Variants in EYS observed in about 807,000 individuals in gnomAD.
EYS encodes the protein protein eyes shut homolog.
Under a neutral mutation model 282.1 loss-of-function variants are expected in EYS, and 250 were observed. That is an observed-to-expected ratio of 0.89 (90% CI 0.80 to 0.98). The LOEUF (loss-of-function observed/expected upper bound fraction) is 0.98, where lower values mean the gene tolerates loss of function less well. Ranked by LOEUF, EYS falls within the 50% of genes least tolerant of loss-of-function variation. The pLI is 0.00. For synonymous variants in EYS, 1,355 were observed against 1,282.9 expected, an observed-to-expected ratio of 1.06 and a Z score of -1.20; for missense variants, 4,016 against 3,709.0, an observed-to-expected ratio of 1.08 and a Z score of -2.15.
chr6:65,338,352 C>A (rs1391678445), intron 10 of EYS, among the ~76,000 whole-genome samples: 1 of 149,860 alleles, frequency 6.7e-6, no homozygotes, highest in Non-Finnish European at 1.5e-5. Flanking sequence ...AAACTTGAAT[C>A]TGCCTTGTAA....
intron 26 of EYS, among the ~76,000 whole-genome samples, chr6:64,524,174 TAC>T (rs1422199833): frequency 6.6e-6 from 1 of 151,754 alleles, no homozygotes; most frequent in Non-Finnish European, 1.5e-5. Context: ...TTTGTCCATA[TAC>T]ACACAGAACA....
chr6:64,286,976 C>A (rs1159916926), intron 30 of EYS, among the ~76,000 whole-genome samples: 2 of 152,014 alleles, frequency 1.3e-5, no homozygotes, highest in Non-Finnish European at 2.9e-5. Context: ...TTGAAGTTTT[C>A]AGTACCGAAT....
chr6:64,390,864 T>A (rs1428916599), intron 28 of EYS, among the ~76,000 whole-genome samples: 1 of 141,478 alleles, frequency 7.1e-6, no homozygotes, highest in Non-Finnish European at 1.5e-5. Flanking sequence ...GCAAAGAAGT[T>A]GAAAACTTTG....
chr6:64,112,356 G>A (rs926525699), intron 31 of EYS, among the ~76,000 whole-genome samples: 1 of 151,920 alleles, frequency 6.6e-6, no homozygotes, highest in Admixed American at 6.6e-5. Context: ...CCAAAGCAGC[G>A]ACTGGGTGGT....
At chr6:65,234,180 C>T (rs951219763) in intron 12 of EYS, among the ~76,000 whole-genome samples, 3 of 152,198 alleles carry the variant, frequency 2.0e-5, no homozygotes, top group African/African-American at 7.2e-5. Context: ...ATCTGCAGAG[C>T]TCTTTGTCAT....
chr6:65,295,818 A>C, intron 12 of EYS, 45 bp downstream of exon 12: 1 of 1,410,626 alleles, frequency 7.1e-7, no homozygotes, highest in Non-Finnish European at 9.6e-7. Flanking sequence ...TATTAACAAC[A>C]TTATTTACTA....
intron 41 of EYS, among the ~76,000 whole-genome samples, chr6:63,756,725 A>C (rs770508312): frequency 2.6e-5 from 4 of 152,114 alleles, no homozygotes; most frequent in Non-Finnish European, 5.9e-5. Context: ...TAAATTGTGA[A>C]GATTTCATTT....
At chr6:65,129,549 A>G (rs1202265244) in intron 12 of EYS, among the ~76,000 whole-genome samples, 1 of 152,020 alleles carries the variant, frequency 6.6e-6, no homozygotes. Flanking sequence ...GTAGCCAACA[A>G]ACATAAAAAA....
At chr6:63,722,958 T>C (rs953865892) in intron 42 of EYS, among the ~76,000 whole-genome samples, 3 of 152,246 alleles carry the variant, frequency 2.0e-5, no homozygotes, top group Non-Finnish European at 4.4e-5. Flanking sequence ...ACAGCTGCTT[T>C]ATCCACTAGG....
intron 35 of EYS, among the ~76,000 whole-genome samples, chr6:63,972,415 A>T (rs1320005702): frequency 6.6e-6 from 1 of 152,236 alleles, no homozygotes; most frequent in Admixed American, 6.5e-5. Context: ...AGGGCAAAAC[A>T]CATACCTCTT....
chr6:64,532,721 A>T (rs1562045359), intron 26 of EYS, among the ~76,000 whole-genome samples: 3 of 152,130 alleles, frequency 2.0e-5, no homozygotes, highest in Admixed American at 1.3e-4. Context: ...AAATAAATAA[A>T]TAAATTAAAT....
intron 31 of EYS, among the ~76,000 whole-genome samples, chr6:64,220,036 TGAGGGG>T (rs1292153546): frequency 1.3e-5 from 2 of 151,098 alleles, no homozygotes; most frequent in East Asian, 1.9e-4. Context: ...TATTGTGGGG[TGAGGGG>T]GAGGGAGAGG....
At chr6:65,365,795 C>T (rs1764894607) in intron 8 of EYS, among the ~76,000 whole-genome samples, 1 of 151,776 alleles carries the variant, frequency 6.6e-6, no homozygotes, top group South Asian at 2.1e-4. Context: ...TTACTTAGTC[C>T]ATGGGCCTCT....
At chr6:64,102,256 GTAAAATACA>G (rs1772856010) in intron 31 of EYS, among the ~76,000 whole-genome samples, 1 of 152,042 alleles carries the variant, frequency 6.6e-6, no homozygotes, top group African/African-American at 2.4e-5. Context: ...CAAAGTGTGG[GTAAAATACA>G]TAGAAAATTG....
intron 35 of EYS, among the ~76,000 whole-genome samples, chr6:63,962,999 T>C (rs1766143589): frequency 6.6e-6 from 1 of 151,840 alleles, no homozygotes; most frequent in Non-Finnish European, 1.5e-5. Flanking sequence ...CTCAGCAAAC[T>C]ATTGCAAGTG....
chr6:65,658,837 T>C (rs1767910157), intron 1 of EYS, among the ~76,000 whole-genome samples: 1 of 151,812 alleles, frequency 6.6e-6, no homozygotes, highest in African/African-American at 2.4e-5. Context: ...TGTTTACAGA[T>C]ATTGTCTTGG....
At chr6:64,015,396 C>G (rs1768844920) in intron 33 of EYS, among the ~76,000 whole-genome samples, 1 of 151,794 alleles carries the variant, frequency 6.6e-6, no homozygotes, top group Admixed American at 6.6e-5. Context: ...AGACCACAGG[C>G]AAATTTAATA....
chr6:65,312,862 A>G (rs546764023), intron 11 of EYS, among the ~76,000 whole-genome samples: 87 of 152,208 alleles, frequency 5.7e-4, no homozygotes, highest in African/African-American at 2.0e-3. Context: ...ATATATGCCA[A>G]TCTCAAAGTT....
chr6:64,129,624 C>T (rs2150280449), intron 31 of EYS, among the ~76,000 whole-genome samples: 1 of 152,180 alleles, frequency 6.6e-6, no homozygotes, highest in East Asian at 1.9e-4. Context: ...TGCAGAAGCT[C>T]CTTAGTTTAA....
Sources: gnomAD v4.1 joint callset for allele counts (sites outside exome capture counted in the v4.1 genomes callset) on GRCh38, gnomAD v4.1.1 for gene constraint, MANE v1.5 for transcripts, NCBI Gene and HGNC (gene_info 2026-07-23, HGNC 2026-07-21) for gene names.